HS3ST4: variants seen among roughly 807,000 people sequenced by gnomAD.
HS3ST4 encodes the protein heparan sulfate-glucosamine 3-sulfotransferase 4, also known as heparan sulfate glucosamine 3-O-sulfotransferase 4.
HS3ST4 carries 17 observed loss-of-function variants against 29.2 expected under a neutral mutation model. That is an observed-to-expected ratio of 0.58 (90% CI 0.40 to 0.87). HS3ST4 has a LOEUF of 0.87. HS3ST4 is among the 40% of genes least tolerant of loss of function. The pLI is 0.00. For synonymous variants in HS3ST4, 314 were observed against 285.7 expected, an observed-to-expected ratio of 1.10 and a Z score of -1.00; for missense variants, 627 against 634.5, an observed-to-expected ratio of 0.99 and a Z score of 0.13.
At chr16:25,760,922 G>A (rs1006058027) in intron 1 of HS3ST4, among the ~76,000 whole-genome samples, 1 of 152,208 alleles carries the variant, frequency 6.6e-6, no homozygotes, top group Non-Finnish European at 1.5e-5. Flanking sequence ...TTAATGCTGA[G>A]GCAGAACCCA....
chr16:25,851,779 A>T (rs767057789), intron 1 of HS3ST4, among the ~76,000 whole-genome samples: 1 of 152,176 alleles, frequency 6.6e-6, no homozygotes, highest in Non-Finnish European at 1.5e-5. Context: ...CCGAGAATTC[A>T]TCCTAGGTTG....
At chr16:25,819,529 C>T (rs117348027) in intron 1 of HS3ST4, among the ~76,000 whole-genome samples, 2,372 of 152,194 alleles carry the variant, frequency 0.016, 27 homozygotes, top group Middle Eastern at 0.024. Flanking sequence ...AATGCACGGC[C>T]GTCTGTTTTG....
intron 1 of HS3ST4, among the ~76,000 whole-genome samples, chr16:26,013,640 G>C (rs941245445): frequency 3.9e-5 from 6 of 151,994 alleles, no homozygotes; most frequent in Admixed American, 6.6e-5. Flanking sequence ...CAAATATGTC[G>C]AAAGTGTTCT....
At chr16:26,002,680 ATAGAG>A (rs974107517) in intron 1 of HS3ST4, among the ~76,000 whole-genome samples, 3 of 128,594 alleles carry the variant, frequency 2.3e-5, no homozygotes, top group African/African-American at 5.8e-5. Context: ...AGAGAAAGAG[ATAGAG>A]AAAAAAGAAG....
rs183044494 is a variant in HS3ST4, at chr16:26,033,990, A to G, written c.735-101622A>G. 3.9e-5 allele frequency among the ~76,000 whole-genome samples: 6 copies of G among 152,342 alleles called. No homozygotes were observed. The East Asian group carries it at 9.6e-4, about 24-fold the overall frequency. On this transcript the variant is annotated intron_variant, in intron 1 of 1. Coordinates refer to ENST00000331351, the MANE Select transcript of HS3ST4 (RefSeq NM_006040.3). The stretch of plus-strand genomic sequence containing the variant: ...AGTATTGCTTAACAAATATTCTCCC[A>G]GTCCACGCCTCCACAATCTGCAATC...
intron 1 of HS3ST4, among the ~76,000 whole-genome samples, chr16:26,101,566 G>C (rs1898990185): frequency 6.6e-6 from 1 of 152,220 alleles, no homozygotes; most frequent in East Asian, 1.9e-4. Context: ...GAAACATTAA[G>C]TTGGTTATGT....
rs1966902329 is a variant in HS3ST4, at chr16:25,798,480, A to G, written c.734+105329A>G. 2.0e-5 allele frequency among the ~76,000 whole-genome samples: 3 copies of G among 152,234 alleles called. No individual in the cohort carries two copies. In the South Asian group the frequency reaches 6.2e-4, roughly 32 times the overall value. ...ATGACAGAAAAGAGAGCATAGCTGA[A>G]TATGGCAATCATACAATGACTCTTA... On this transcript the variant is annotated intron_variant, in intron 1 of 1. Transcript: ENST00000331351.
chr16:25,694,750 CTTATGAGGGTA>C (rs1294135438), intron 1 of HS3ST4, among the ~76,000 whole-genome samples: 1 of 149,300 alleles, frequency 6.7e-6, no homozygotes, highest in Admixed American at 6.7e-5. Flanking sequence ...TAGCTTTGGC[CTTATGAGGGTA>C]ATTGCGTTTT....
chr16:25,938,768 T>G (rs916571014), intron 1 of HS3ST4, among the ~76,000 whole-genome samples: 12 of 152,162 alleles, frequency 7.9e-5, no homozygotes, highest in Admixed American at 5.9e-4. Flanking sequence ...AGCTTAAATA[T>G]CACATTATCA....
At chr16:26,041,186 T>A (rs56942727) in intron 1 of HS3ST4, among the ~76,000 whole-genome samples, 2,527 of 151,876 alleles carry the variant, frequency 0.017, 65 homozygotes, top group African/African-American at 0.056. Context: ...AAAGCATTTT[T>A]AAAAAATCAC....
intron 1 of HS3ST4, among the ~76,000 whole-genome samples, chr16:25,829,456 C>T (rs1436423754): frequency 2.6e-5 from 4 of 152,092 alleles, no homozygotes; most frequent in Non-Finnish European, 5.9e-5. Flanking sequence ...GCAGAATGTG[C>T]AGGTTTGTTA....
At chr16:25,860,343 A>G (rs912790643) in intron 1 of HS3ST4, among the ~76,000 whole-genome samples, 4 of 152,222 alleles carry the variant, frequency 2.6e-5, no homozygotes, top group Admixed American at 2.0e-4. Context: ...TGATGCAGCC[A>G]TCATGCTCCT....
intron 1 of HS3ST4, among the ~76,000 whole-genome samples, chr16:25,933,209 T>C (rs1663980168): frequency 6.6e-6 from 1 of 152,226 alleles, no homozygotes; most frequent in South Asian, 2.1e-4. Flanking sequence ...TGGCTTTAAT[T>C]ACTTATGTGG....
chr16:26,066,262 T>C (rs1898540879), intron 1 of HS3ST4, among the ~76,000 whole-genome samples: 1 of 152,206 alleles, frequency 6.6e-6, no homozygotes, highest in Non-Finnish European at 1.5e-5. Flanking sequence ...AATTATTAGA[T>C]AAAGGAAGTC....
chr16:25,851,845 C>G (rs1967525246), intron 1 of HS3ST4, among the ~76,000 whole-genome samples: 1 of 136,688 alleles, frequency 7.3e-6, no homozygotes, highest in Admixed American at 7.7e-5. Context: ...GTTACGGAAT[C>G]TTTTCATGAG....
intron 1 of HS3ST4, among the ~76,000 whole-genome samples, chr16:26,111,731 C>A (rs192872794): frequency 2.0e-5 from 3 of 152,170 alleles, no homozygotes; most frequent in African/African-American, 7.2e-5. Flanking sequence ...TAAAAATTAT[C>A]TTTTGGGTCA....
At chr16:26,020,551 C>G (rs571085866) in intron 1 of HS3ST4, among the ~76,000 whole-genome samples, 1 of 152,222 alleles carries the variant, frequency 6.6e-6, no homozygotes, top group Non-Finnish European at 1.5e-5. Context: ...CAGGGCTTCA[C>G]AAACACAGTT....
At chr16:25,722,193 A>G (rs1328710884) in intron 1 of HS3ST4, among the ~76,000 whole-genome samples, 1 of 152,186 alleles carries the variant, frequency 6.6e-6, no homozygotes, top group Non-Finnish European at 1.5e-5. Context: ...TCTGTCCTAA[A>G]ATTAACTTGC....
At chr16:26,134,357 C>CTTTTTTTTTTTT (rs1167036022) in intron 1 of HS3ST4, among the ~76,000 whole-genome samples, 67 of 109,066 alleles carry the variant, frequency 6.1e-4, no homozygotes, top group Non-Finnish European at 8.6e-4. Flanking sequence ...CTTTTCTTTT[C>CTTTTTTTTTTTT]TTTTCTTTTT....
Sources: allele counts gnomAD v4.1 joint callset (sites outside exome capture counted in the v4.1 genomes callset), GRCh38; gene constraint gnomAD v4.1.1; transcripts MANE v1.5; gene names NCBI Gene and HGNC (gene_info 2026-07-23, HGNC 2026-07-21).